Variants in PHLDB2 observed in about 807,000 individuals in gnomAD.
PHLDB2 encodes pleckstrin homology-like domain family B member 2.
A neutral mutation model predicts 123.6 loss-of-function variants in PHLDB2; 71 were observed. The observed-to-expected ratio is 0.57, with a 90% CI of 0.47 to 0.70. The LOEUF (loss-of-function observed/expected upper bound fraction) is 0.70, where lower values mean the gene tolerates loss of function less well. Ranked by LOEUF, PHLDB2 falls within the 30% of genes least tolerant of loss-of-function variation. The pLI is 0.00. For missense variants in PHLDB2, 1,446 were observed against 1,519.5 expected, an observed-to-expected ratio of 0.95 and a Z score of 0.80; for synonymous variants, 547 against 541.6, an observed-to-expected ratio of 1.01 and a Z score of -0.14.
intron 1 of PHLDB2, among the ~76,000 whole-genome samples, chr3:111,753,475 C>T (rs561553427): frequency 6.3e-4 from 93 of 148,560 alleles, no homozygotes; most frequent in African/African-American, 1.8e-3. Context: ...TCATGTCCTT[C>T]GCCCACTTTT....
chr3:111,739,598 A>G (rs76563606), intron 1 of PHLDB2, among the ~76,000 whole-genome samples: 1,097 of 72,936 alleles, frequency 0.015, 14 homozygotes, highest in African/African-American at 0.033. Flanking sequence ...CAAAACAAAC[A>G]AAAAAAAAAA....
intron 1 of PHLDB2, among the ~76,000 whole-genome samples, chr3:111,790,082 A>G (rs67970120): frequency 0.27 from 41,090 of 151,900 alleles, 6,991 homozygotes; most frequent in African/African-American, 0.48. Flanking sequence ...TCTTATCAGC[A>G]CCTCAGAAAT....
rs2066846438 is a variant in PHLDB2, at chr3:111,896,066, G to A, written c.1335+10654G>A. The stretch of plus-strand genomic sequence containing the variant: ...GCTGGAGTACAGTGGCATGATCTCG[G>A]CTCAGCCTGCTGAGTAGCTGGGATT... On this transcript the variant is annotated intron_variant, in intron 2 of 17. Coordinates refer to ENST00000431670, the MANE Select transcript of PHLDB2 (RefSeq NM_001134438.2). 1.3e-5 allele frequency among the ~76,000 whole-genome samples: 2 copies of A among 151,960 alleles called. 1 individual carries two copies. The highest frequency in any genetic ancestry group is 4.2e-4 in the South Asian group (2 of 4,814).
chr3:111,942,660 G>A (rs947607014), intron 8 of PHLDB2, among the ~76,000 whole-genome samples: 2 of 152,220 alleles, frequency 1.3e-5, no homozygotes, highest in Admixed American at 6.5e-5. Context: ...TAGTGACTAA[G>A]TGCAGTGAAG....
chr3:111,855,599 C>T (rs541684305), upstream of PHLDB2, among the ~76,000 whole-genome samples: 4 of 132,220 alleles, frequency 3.0e-5, no homozygotes, highest in African/African-American at 1.1e-4. Context: ...TTATTGAGTG[C>T]TTTCTATAGA....
intron 2 of PHLDB2, among the ~76,000 whole-genome samples, chr3:111,894,938 G>C (rs926494687): frequency 6.6e-6 from 1 of 151,406 alleles, no homozygotes; most frequent in Non-Finnish European, 1.5e-5. Flanking sequence ...TTGCGTGTGT[G>C]TGTGTGTGTG....
At chr3:111,732,676 G>C (rs1213195545) in exon 1 of PHLDB2, 10 of 1,535,642 alleles carry the variant, frequency 6.5e-6, no homozygotes, top group Non-Finnish European at 8.7e-6. Context: ...GCTGAGGGAA[G>C]AGTCGGGATT....
chr3:111,807,285 T>C (rs2108306900), intron 1 of PHLDB2, among the ~76,000 whole-genome samples: 1 of 152,296 alleles, frequency 6.6e-6, no homozygotes, highest in Middle Eastern at 3.4e-3. Context: ...AGGAATTTAA[T>C]AAATGATAAT....
chr3:111,834,055 A>T (rs868498389), intron 1 of PHLDB2, among the ~76,000 whole-genome samples: 4 of 14,820 alleles, frequency 2.7e-4, no homozygotes, highest in Non-Finnish European at 5.0e-4. Context: ...AATTATATAT[A>T]ATATATGTAA....
chr3:111,906,073 T>C (rs1169191951), intron 2 of PHLDB2, among the ~76,000 whole-genome samples: 1 of 152,242 alleles, frequency 6.6e-6, no homozygotes, highest in Non-Finnish European at 1.5e-5. Context: ...ACACAAGTAC[T>C]TACCATGGTG....
At chr3:111,829,289 A>G (rs1405960928) in intron 1 of PHLDB2, among the ~76,000 whole-genome samples, 1 of 152,008 alleles carries the variant, frequency 6.6e-6, no homozygotes, top group Non-Finnish European at 1.5e-5. Flanking sequence ...ATCCATCACT[A>G]TGACTGAAAA....
chr3:111,881,697 A>G (rs1243601828), intron 1 of PHLDB2, among the ~76,000 whole-genome samples: 1 of 151,406 alleles, frequency 6.6e-6, no homozygotes, highest in African/African-American at 2.4e-5. Flanking sequence ...AGACATCTGT[A>G]TATATTTTAT....
rs1047104483 is a variant in PHLDB2, at chr3:111,820,564, G to T, written c.-48-25257G>T. ...CTCATATGTGTTGTGTCTCACACTAGCCCACAACTATAAGTTCAATCCACA... is the reference window on the plus strand; with the variant it reads ...CTCATATGTGTTGTGTCTCACACTATCCCACAACTATAAGTTCAATCCACA... On this transcript the variant is annotated intron_variant, in intron 1 of 17. Coordinates refer to the PHLDB2 transcript ENST00000393923. 2.6e-5 allele frequency among the ~76,000 whole-genome samples: 4 copies of T among 152,280 alleles called. No homozygotes were observed. In the East Asian group the frequency reaches 7.7e-4, roughly 29 times the overall value.
At chr3:111,782,511 G>A (rs4234405) in intron 1 of PHLDB2, among the ~76,000 whole-genome samples, 7,336 of 152,054 alleles carry the variant, frequency 0.048, 247 homozygotes, top group Middle Eastern at 0.071. Context: ...CTATTCCCTC[G>A]GTCCAGAATG....
chr3:111,823,054 T>C (rs1044571522), intron 1 of PHLDB2, among the ~76,000 whole-genome samples: 2 of 152,202 alleles, frequency 1.3e-5, no homozygotes, highest in African/African-American at 4.8e-5. Context: ...GCAGCAGCAG[T>C]GCCATTAGCA....
At position 111,974,768 on chromosome 3, in the gene PHLDB2, T is replaced by G. The variant is rs376520100; in HGVS notation, c.*205T>G. 2.5e-6 allele frequency: 1 copy of G among 404,740 alleles called. No individual in the cohort carries two copies. Among genetic ancestry groups the G allele is most frequent in the Non-Finnish European group, 4.2e-6 (1 of 237,806 alleles). 25.1% of individuals were successfully genotyped at this position (404,740 alleles called of 1,614,324 possible). ...ACCTTCATAATAAATAGCAAAATAATTGAAGCTTCCATGAGAAAGAAAACA... is the reference window on the plus strand; with the variant it reads ...ACCTTCATAATAAATAGCAAAATAAGTGAAGCTTCCATGAGAAAGAAAACA... On this transcript the variant is annotated 3_prime_UTR_variant, in exon 18 of 18. Coordinates refer to ENST00000431670, the MANE Select transcript of PHLDB2 (RefSeq NM_001134438.2).
intron 6 of PHLDB2, among the ~76,000 whole-genome samples, chr3:111,932,839 ATTC>A (rs2069218768): frequency 6.6e-6 from 1 of 152,186 alleles, no homozygotes; most frequent in African/African-American, 2.4e-5. Context: ...ACCAGCAGCT[ATTC>A]TTTTGTGTTT....
chr3:111,954,676 A>G (rs1404406750), intron 12 of PHLDB2, among the ~76,000 whole-genome samples: 2 of 152,236 alleles, frequency 1.3e-5, no homozygotes, highest in Non-Finnish European at 2.9e-5. Flanking sequence ...TTCTTGTGTT[A>G]ACACAATAGT....
At position 111,939,469 on chromosome 3, in the gene PHLDB2, C is replaced by A; in HGVS notation, c.2131-6C>A. The A allele has an allele frequency of 1.3e-6, 2 of 1,597,698 alleles. No individual in the cohort carries two copies. Among genetic ancestry groups the A allele is most frequent in the Non-Finnish European group, 1.7e-6 (2 of 1,175,588 alleles). On this transcript the variant is annotated splice_region_variant and splice_polypyrimidine_tract_variant and intron_variant, in intron 6 of 17. Transcript: ENST00000431670. ...GTGTCTTGTTTTCATTCACTTTTCT[C>A]CAAAGGATGCTGACCTGTTGGATGT...
Sources: gnomAD v4.1 joint callset for allele counts (sites outside exome capture counted in the v4.1 genomes callset) on GRCh38, gnomAD v4.1.1 for gene constraint, MANE v1.5 for transcripts, NCBI Gene and HGNC (gene_info 2026-07-23, HGNC 2026-07-21) for gene names.